The following CRYBG1 variants were observed in gnomAD, a reference collection of about 807,000 sequenced individuals.
CRYBG1 encodes beta/gamma crystallin domain-containing protein 1.
Under a neutral mutation model 189.2 loss-of-function variants are expected in CRYBG1, and 139 were observed. The observed-to-expected ratio is 0.73, with a 90% CI of 0.64 to 0.85. CRYBG1 has a LOEUF of 0.85. Ranked by LOEUF, CRYBG1 falls within the 40% of genes least tolerant of loss-of-function variation. The pLI is 0.00. For missense variants in CRYBG1, 2,611 were observed against 2,675.8 expected, an observed-to-expected ratio of 0.98 and a Z score of 0.53; for synonymous variants, 1,023 against 1,017.1, an observed-to-expected ratio of 1.01 and a Z score of -0.11.
chr6:106,463,935 T>G (rs923674093), intron 2 of CRYBG1, among the ~76,000 whole-genome samples: 4 of 152,144 alleles, frequency 2.6e-5, no homozygotes, highest in African/African-American at 9.7e-5. Flanking sequence ...CAGTTACCAG[T>G]AGATATTTTA....
At chr6:106,367,784 C>T (rs1769899056) in intron 1 of CRYBG1, among the ~76,000 whole-genome samples, 1 of 133,638 alleles carries the variant, frequency 7.5e-6, no homozygotes, top group Non-Finnish European at 1.6e-5. Flanking sequence ...GCAACAAACT[C>T]AGACCCTGCT....
intron 17 of CRYBG1, 54 bp from the exon 18 acceptor site, chr6:106,558,432 G>T: frequency 1.4e-6 from 2 of 1,418,664 alleles, no homozygotes; most frequent in Non-Finnish European, 1.9e-6. Flanking sequence ...TTTCACATAA[G>T]TTTGAATTAT....
chr6:106,374,851 T>G (rs654127), intron 1 of CRYBG1, among the ~76,000 whole-genome samples: 139,707 of 152,242 alleles, frequency 0.92, 64,318 homozygotes, highest in East Asian at 0.98. Flanking sequence ...TATACTCAGT[T>G]CTAGATTACC....
chr6:106,383,147 A>G (rs954552929), intron 1 of CRYBG1, among the ~76,000 whole-genome samples: 10 of 152,242 alleles, frequency 6.6e-5, no homozygotes, highest in Admixed American at 3.3e-4. Context: ...TTTTAAAAGT[A>G]TATGAAGATA....
chr6:106,406,908 C>T (rs1770837394), intron 1 of CRYBG1, among the ~76,000 whole-genome samples: 1 of 152,176 alleles, frequency 6.6e-6, no homozygotes, highest in African/African-American at 2.4e-5. Context: ...AAAGAACAAC[C>T]AGTACCAGAC....
chr6:106,506,446 C>CTTTTTTTTTTTT (rs67154803), intron 2 of CRYBG1, among the ~76,000 whole-genome samples: 3 of 69,918 alleles, frequency 4.3e-5, no homozygotes, highest in South Asian at 6.4e-4. Flanking sequence ...TTTCTTGTCA[C>CTTTTTTTTTTTT]TTTTTTTTTT....
At position 106,360,964 on chromosome 6, in the gene CRYBG1, C is replaced by G. The variant is rs111350805; in HGVS notation, c.56C>G (p.Pro19Arg). The change falls in exon 1 of 22, where the codon CCC becomes CGC. Residue 19 changes from proline to arginine, a missense_variant. Physicochemically the swap from Pro to Arg is moderately radical, Grantham distance 103. Transcript: ENST00000633556. ...CCCGGGGAGCCCAGCCCGTGCAGGC[C>G]CCCTAAGAAGCACACCACCTTCCAC... ...GDPGEPSPCR[P>R]PKKHTTFHLW... The G allele has an allele frequency of 0.021, 32,570 of 1,535,170 alleles. 455 individuals carry two copies. Among genetic ancestry groups the G allele is most frequent in the South Asian group, 0.057 (4,802 of 84,050 alleles).
chr6:106,557,894 A>G (rs1178810309), intron 17 of CRYBG1, among the ~76,000 whole-genome samples: 1 of 152,194 alleles, frequency 6.6e-6, no homozygotes, highest in Non-Finnish European at 1.5e-5. Context: ...CTTTAAAATG[A>G]TTGACAGTTT....
intron 1 of CRYBG1, among the ~76,000 whole-genome samples, chr6:106,450,854 G>A (rs544235678): frequency 1.2e-4 from 19 of 152,188 alleles, no homozygotes; most frequent in Non-Finnish European, 2.4e-4. Flanking sequence ...TCAGGACTGG[G>A]CCAGAGAAGC....
At chr6:106,514,333 T>C (rs1322030999) in intron 3 of CRYBG1, among the ~76,000 whole-genome samples, 1 of 152,190 alleles carries the variant, frequency 6.6e-6, no homozygotes, top group East Asian at 1.9e-4. Context: ...TTAACAACAT[T>C]ATCATTATAA....
intron 13 of CRYBG1, among the ~76,000 whole-genome samples, chr6:106,550,264 A>C (rs1328962109): frequency 1.3e-5 from 2 of 152,216 alleles, no homozygotes; most frequent in Non-Finnish European, 2.9e-5. Flanking sequence ...CCTCCCTAGG[A>C]GATTAAATGT....
chr6:106,512,590 T>C lies in CRYBG1; in HGVS notation c.1473T>C (p.Gly491=), dbSNP rs910072289. ...GCCCAGAGTCCAAGCCCAGCCCCGG[T>C]ACCAAAGGGCAGCTCCGAGGGGAGT... ...AASPESKPSP[G]TKGQLRGESD... The change falls in exon 3 of 22, where the codon GGT becomes GGC. Residue 491 remains glycine (G), a synonymous_variant. Transcript: ENST00000633556. The C allele has an allele frequency of 6.2e-7, 1 of 1,605,236 alleles. No homozygotes were observed. Among genetic ancestry groups the C allele is most frequent in the Non-Finnish European group, 8.5e-7 (1 of 1,176,700 alleles).
rs1254004077 is a variant in CRYBG1 at position 106,555,830 on chromosome 6, A to C, written c.5648A>C (p.Tyr1883Ser). 6.2e-7 allele frequency: 1 copy of C among 1,614,190 alleles called. No individual in the cohort carries two copies. Among genetic ancestry groups the C allele is most frequent in the Non-Finnish European group, 8.5e-7 (1 of 1,180,008 alleles). The change falls in exon 17 of 22, where the codon TAT becomes TCT. Residue 1883 changes from tyrosine (Y) to serine (S), a missense_variant. Physicochemically the swap from Tyr to Ser is moderately radical, Grantham distance 144 (BLOSUM62 -2). Transcript: ENST00000633556. ...CAATACGTGTTGGAAGAAGGCCATT[A>C]TCCTTGTCTGTCTGCAATGGGATGC... The part of the protein sequence containing the change: ...GNQYVLEEGH[Y>S]PCLSAMGCPP...
Position 106,410,790 on chromosome 6 carries a change from C to T in CRYBG1, c.174-40904C>T, listed in dbSNP as rs559382929. ...AAAACCAAACACGCATATTCTCACT[C>T]GTAAGTGGGAGTTGAACAATGAGAA... On this transcript the variant is annotated intron_variant, in intron 1 of 21. Coordinates refer to ENST00000633556, the MANE Select transcript of CRYBG1 (RefSeq NM_001371242.2). Among the ~76,000 whole-genome samples, 6 of 152,138 alleles carry T rather than the reference C, an allele frequency of 3.9e-5. No homozygotes were observed. In the East Asian group the frequency reaches 9.7e-4, roughly 25 times the overall value.
chr6:106,400,642 A>G (rs1298245033), intron 1 of CRYBG1, among the ~76,000 whole-genome samples: 1 of 152,184 alleles, frequency 6.6e-6, no homozygotes, highest in Non-Finnish European at 1.5e-5. Flanking sequence ...TACAGAATAA[A>G]CCCTAGTAAG....
chr6:106,387,204 G>A (rs1279760006), intron 1 of CRYBG1, among the ~76,000 whole-genome samples: 1 of 152,194 alleles, frequency 6.6e-6, no homozygotes, highest in African/African-American at 2.4e-5. Context: ...TCAGTATGAA[G>A]TTGTAAGGAT....
chr6:106,507,604 C>T (rs938466641), intron 2 of CRYBG1, among the ~76,000 whole-genome samples: 1 of 152,166 alleles, frequency 6.6e-6, no homozygotes, highest in African/African-American at 2.4e-5. Context: ...GCTTCCCATC[C>T]TAGGTTTAAG....
intron 2 of CRYBG1, among the ~76,000 whole-genome samples, chr6:106,480,903 G>A (rs1772436412): frequency 2.0e-5 from 3 of 149,818 alleles, no homozygotes; most frequent in Admixed American, 6.6e-5. Context: ...CCTGGGAGGC[G>A]GAGGTTGCAG....
rs1773305242 is a variant in CRYBG1 at position 106,512,539 on chromosome 6, C to T, written c.1422C>T (p.Leu474=). ...EKKVKSPRAA[L]DGGVASAASP... ...AAGTGAAATCTCCGCGGGCAGCCCT[C>T]GACGGGGGCGTTGCCTCCGCTGCGA... is the stretch of plus-strand genomic sequence containing the variant. Residue 474 remains leucine, a synonymous_variant, in exon 3 of 22, where the codon CTC becomes CTT. Transcript: ENST00000633556. 2 of 1,608,080 alleles carry T rather than the reference C, an allele frequency of 1.2e-6. No homozygotes were observed. The highest frequency in any genetic ancestry group is 2.2e-5 in the East Asian group (1 of 44,658).
Sources: allele counts gnomAD v4.1 joint callset (sites outside exome capture counted in the v4.1 genomes callset), GRCh38; gene constraint gnomAD v4.1.1; transcripts MANE v1.5; gene names NCBI Gene and HGNC (gene_info 2026-07-23, HGNC 2026-07-21).